ZNF385B: variants seen among roughly 807,000 people sequenced by gnomAD.
ZNF385B encodes the protein zinc finger protein 533.
A neutral mutation model predicts 39.2 loss-of-function variants in ZNF385B; 23 were observed. The ratio of observed to expected loss-of-function variants is 0.59; its 90% CI spans 0.42 to 0.83. ZNF385B has a LOEUF of 0.83. Ranked by LOEUF, ZNF385B falls within the 40% of genes least tolerant of loss-of-function variation. The probability of loss-of-function intolerance (pLI) is 0.00; values close to 1 mark genes in which losing one functional copy is unlikely to be tolerated. For missense variants in ZNF385B, 552 were observed against 598.9 expected, an observed-to-expected ratio of 0.92 and a Z score of 0.82; for synonymous variants, 205 against 222.6, an observed-to-expected ratio of 0.92 and a Z score of 0.70.
intron 1 of ZNF385B, among the ~76,000 whole-genome samples, chr2:179,849,438 T>C (rs1040410781): frequency 6.6e-6 from 1 of 152,160 alleles, no homozygotes; most frequent in African/African-American, 2.4e-5. Flanking sequence ...CACATCTATT[T>C]GGGGAGATGA....
rs77273960 is a variant in ZNF385B at position 179,685,833 on chromosome 2, G to A, written c.298+83670C>T. 5.7e-3 allele frequency among the ~76,000 whole-genome samples: 861 copies of A among 152,274 alleles called. 8 individuals carry two copies. The highest frequency in any genetic ancestry group is 0.018 in the African/African-American group (762 of 41,552). Reference sequence around the variant, plus strand: ...ACCATATTTAGCAAAGATAGGTCTGGTAGATTCCTAATAAAAAGTTGATAA... The same window carrying A: ...ACCATATTTAGCAAAGATAGGTCTGATAGATTCCTAATAAAAAGTTGATAA... On this transcript the variant is annotated intron_variant, in intron 3 of 9. Transcript: ENST00000410066.
intron 3 of ZNF385B, among the ~76,000 whole-genome samples, chr2:179,714,390 A>G (rs1700188765): frequency 6.6e-6 from 1 of 152,178 alleles, no homozygotes; most frequent in South Asian, 2.1e-4. Flanking sequence ...AAGAATATCC[A>G]ATAAGTAGGT....
At chr2:179,455,308 G>A (rs12693191) in intron 6 of ZNF385B, among the ~76,000 whole-genome samples, 106,662 of 151,794 alleles carry the variant, frequency 0.7, 37,997 homozygotes, top group East Asian at 0.93. Context: ...CTCATCTTGA[G>A]TTATAGTTCC....
intron 3 of ZNF385B, among the ~76,000 whole-genome samples, chr2:179,653,014 A>G (rs1278674241): frequency 6.6e-6 from 1 of 152,144 alleles, no homozygotes; most frequent in Non-Finnish European, 1.5e-5. Flanking sequence ...CTAACATTGT[A>G]TTTAGCCCAT....
chr2:179,835,175 T>C (rs1575575600), intron 1 of ZNF385B, among the ~76,000 whole-genome samples: 1 of 152,080 alleles, frequency 6.6e-6, no homozygotes, highest in African/African-American at 2.4e-5. Context: ...TATTTAAGGG[T>C]GAAATGTCAT....
intron 1 of ZNF385B, among the ~76,000 whole-genome samples, chr2:179,786,420 A>G (rs1412264635): frequency 1.3e-5 from 2 of 152,160 alleles, no homozygotes; most frequent in African/African-American, 4.8e-5. Context: ...TCAATTATGA[A>G]TATCTTTCCA....
intron 1 of ZNF385B, among the ~76,000 whole-genome samples, chr2:179,844,254 A>G (rs1035268910): frequency 6.6e-6 from 1 of 152,128 alleles, no homozygotes; most frequent in Non-Finnish European, 1.5e-5. Flanking sequence ...TTCATCTGTA[A>G]AAAAAATAGT....
chr2:179,724,365 T>A (rs1041758438), intron 3 of ZNF385B, among the ~76,000 whole-genome samples: 3 of 152,120 alleles, frequency 2.0e-5, no homozygotes, highest in African/African-American at 7.2e-5. Flanking sequence ...AAATGAAGGC[T>A]TTGTGATAAT....
At chr2:179,698,097 G>A (rs751768155) in intron 3 of ZNF385B, among the ~76,000 whole-genome samples, 3 of 151,916 alleles carry the variant, frequency 2.0e-5, no homozygotes, top group Admixed American at 6.6e-5. Context: ...TGTAAATGAC[G>A]AGTTAATGGG....
chr2:179,757,403 G>A (rs923102381), intron 3 of ZNF385B, among the ~76,000 whole-genome samples: 11 of 152,174 alleles, frequency 7.2e-5, no homozygotes, highest in African/African-American at 9.6e-5. Flanking sequence ...TAGGCTACTC[G>A]GGGTCAGGGA....
At chr2:179,536,540 A>T (rs2059578508) in intron 4 of ZNF385B, 1 of 152,204 alleles carries the variant, frequency 6.6e-6, no homozygotes, top group African/African-American at 2.4e-5. Context: ...GAAATTTTAC[A>T]TTCTTTTACC....
intron 3 of ZNF385B, among the ~76,000 whole-genome samples, chr2:179,762,576 T>A (rs963556997): frequency 6.6e-6 from 1 of 152,220 alleles, no homozygotes; most frequent in Non-Finnish European, 1.5e-5. Context: ...ATTCTTTTGA[T>A]ACATTGCTGG....
intron 1 of ZNF385B, among the ~76,000 whole-genome samples, chr2:179,809,307 C>CAA (rs1296902925): frequency 6.6e-6 from 1 of 152,132 alleles, no homozygotes; most frequent in Non-Finnish European, 1.5e-5. Flanking sequence ...TAAAGAGTTT[C>CAA]AGTAAAACTC....
At chr2:179,483,155 A>G in intron 6 of ZNF385B, 117 bp downstream of exon 6, 3 of 1,143,050 alleles carry the variant, frequency 2.6e-6, no homozygotes, top group Non-Finnish European at 3.7e-6. Flanking sequence ...AAACATATTA[A>G]TATCACAAAA....
chr2:179,828,106 A>G (rs993265111), intron 1 of ZNF385B, among the ~76,000 whole-genome samples: 1 of 152,116 alleles, frequency 6.6e-6, no homozygotes, highest in African/African-American at 2.4e-5. Context: ...TATCTAGTCT[A>G]CTATCAATTG....
At chr2:179,463,163 G>A (rs2105479300) in intron 6 of ZNF385B, among the ~76,000 whole-genome samples, 1 of 152,150 alleles carries the variant, frequency 6.6e-6, no homozygotes, top group East Asian at 1.9e-4. Context: ...CTGCATGGAA[G>A]TTTTATCCTT....
chr2:179,670,010 G>A, intron 3 of ZNF385B, among the ~76,000 whole-genome samples: 1 of 152,074 alleles, frequency 6.6e-6, no homozygotes, highest in Non-Finnish European at 1.5e-5. Flanking sequence ...TCATGGTGCT[G>A]GCCGGGCGCG....
chr2:179,789,217 T>G (rs1327734435), intron 1 of ZNF385B, among the ~76,000 whole-genome samples: 1 of 152,182 alleles, frequency 6.6e-6, no homozygotes, highest in Non-Finnish European at 1.5e-5. Flanking sequence ...GTGTAATTGT[T>G]AAATCTACTC....
intron 1 of ZNF385B, among the ~76,000 whole-genome samples, chr2:179,789,390 G>A (rs960722304): frequency 4.6e-5 from 7 of 152,052 alleles, no homozygotes; most frequent in East Asian, 1.9e-4. Flanking sequence ...TAATATCCTC[G>A]GGTGACTATA....
Sources: gnomAD v4.1 joint callset for allele counts (sites outside exome capture counted in the v4.1 genomes callset) on GRCh38, gnomAD v4.1.1 for gene constraint, MANE v1.5 for transcripts, NCBI Gene and HGNC (gene_info 2026-07-23, HGNC 2026-07-21) for gene names.